The following CRIM1 variants were observed in gnomAD, a reference collection of about 807,000 sequenced individuals.
The protein encoded by CRIM1 is cysteine rich transmembrane BMP regulator 1, also known as cysteine-rich motor neuron 1 protein.
In CRIM1, 32 loss-of-function variants were observed where a neutral mutation model predicts 116.4. That is an observed-to-expected ratio of 0.27 (90% CI 0.21 to 0.37). The LOEUF is 0.37. Ranked by LOEUF, CRIM1 falls within the 10% of genes least tolerant of loss-of-function variation. The pLI is 1.00. For missense variants in CRIM1, 1,331 were observed against 1,354.8 expected (o/e 0.98, Z 0.28); for synonymous variants, 590 against 509.2 (o/e 1.16, Z -2.13).
rs1025088968 is a variant in CRIM1, at chr2:36,551,066, C to CA, written c.*2371dup. On this transcript the variant is annotated 3_prime_UTR_variant, in exon 17 of 17. Coordinates refer to ENST00000280527, the MANE Select transcript of CRIM1 (RefSeq NM_016441.3). ...TTCTACAGTTTGTTTTTGTTTTCTT[C>CA]AAAAAAGCTGTAAGAGAATTATCTG... The CA allele has an allele frequency of 1.3e-5, 2 of 152,436 alleles. No homozygotes were observed. The highest frequency in any genetic ancestry group is 2.9e-5 in the Non-Finnish European group (2 of 67,996). The allele number at this position is 152,436 out of a possible 1,614,324, so 9.4% of individuals were successfully genotyped here.
At chr2:36,494,039 A>G (rs1034562508) in intron 7 of CRIM1, among the ~76,000 whole-genome samples, 3 of 152,192 alleles carry the variant, frequency 2.0e-5, no homozygotes, top group Admixed American at 2.0e-4. Flanking sequence ...AATTTCTCAT[A>G]AAATAAACTA....
intron 4 of CRIM1, among the ~76,000 whole-genome samples, chr2:36,444,584 A>G (rs981654882): frequency 3.9e-5 from 6 of 152,372 alleles, no homozygotes; most frequent in African/African-American, 1.4e-4. Flanking sequence ...GAATGGCCAG[A>G]GTTAAATTTG....
chr2:36,424,285 T>A (rs1315691612), intron 2 of CRIM1, among the ~76,000 whole-genome samples: 2 of 152,188 alleles, frequency 1.3e-5, no homozygotes, highest in Non-Finnish European at 2.9e-5. Flanking sequence ...GAAGAGATAT[T>A]CACAGAGGAG....
rs77398072 is a variant in CRIM1, at chr2:36,463,857, A to G, written c.870-677A>G. Among the ~76,000 whole-genome samples, 1,500 of 152,282 alleles carry G rather than the reference A, an allele frequency of 9.9e-3. 26 individuals carry two copies. Among genetic ancestry groups the G allele is most frequent in the African/African-American group, 0.035 (1,447 of 41,556 alleles). ...CAGGTGGGAGCTTAAGATCCAAAAA[A>G]TTAAGACTTTCAGCTTCCAAGATAG... On this transcript the variant is annotated intron_variant, in intron 4 of 16. Transcript: ENST00000280527.
rs1572844986 is a variant in CRIM1, at chr2:36,483,762, A to G, written c.1372+4068A>G. 2.0e-5 allele frequency among the ~76,000 whole-genome samples: 3 copies of G among 152,362 alleles called. 1 individual carries two copies. Among genetic ancestry groups the G allele is most frequent in the Admixed American group, 2.0e-4 (3 of 15,304 alleles). On this transcript the variant is annotated intron_variant, in intron 7 of 16. Transcript: ENST00000280527. ...AATAAGTGAGGACAGTGAGGAGGAA[A>G]GAAAGACTGGAGCAGGAAGTCCCAA... is the stretch of plus-strand genomic sequence containing the variant.
intron 2 of CRIM1, among the ~76,000 whole-genome samples, chr2:36,413,282 A>C (rs139191074): frequency 2.0e-5 from 3 of 152,330 alleles, no homozygotes; most frequent in African/African-American, 7.2e-5. Flanking sequence ...CCACTTTGAA[A>C]TATGTAAGCC....
intron 2 of CRIM1, among the ~76,000 whole-genome samples, chr2:36,440,500 G>A (rs972025006): frequency 6.6e-6 from 1 of 152,188 alleles, no homozygotes; most frequent in Admixed American, 6.5e-5. Context: ...GTGGACTGGG[G>A]TTTCAGAAGC....
At chr2:36,371,853 C>T (rs1669967543) in intron 1 of CRIM1, among the ~76,000 whole-genome samples, 1 of 152,194 alleles carries the variant, frequency 6.6e-6, no homozygotes. Flanking sequence ...CTGTGGTGAT[C>T]AGCTGCTTGT....
At chr2:36,460,960 C>G (rs1180259477) in intron 4 of CRIM1, among the ~76,000 whole-genome samples, 1 of 152,122 alleles carries the variant, frequency 6.6e-6, no homozygotes, top group Non-Finnish European at 1.5e-5. Flanking sequence ...AGTGCAGAGA[C>G]AGCAAAGTGC....
At chr2:36,431,380 A>T (rs1341486582) in intron 2 of CRIM1, among the ~76,000 whole-genome samples, 1 of 152,188 alleles carries the variant, frequency 6.6e-6, no homozygotes, top group Non-Finnish European at 1.5e-5. Flanking sequence ...TGTACACTCT[A>T]TTCAGCACCC....
chr2:36,495,525 A>G (rs1030781956), intron 7 of CRIM1, among the ~76,000 whole-genome samples: 4 of 140,634 alleles, frequency 2.8e-5, no homozygotes, highest in Non-Finnish European at 4.6e-5. Flanking sequence ...CTGAGATACT[A>G]TGATTCTAGA....
intron 2 of CRIM1, among the ~76,000 whole-genome samples, chr2:36,425,691 C>T (rs1674394733): frequency 6.6e-6 from 1 of 152,198 alleles, no homozygotes; most frequent in African/African-American, 2.4e-5. Context: ...CAGCAACATT[C>T]TCATCAGAGG....
At position 36,356,382 on chromosome 2, in the gene CRIM1, C is replaced by A. The variant is rs1282189539; in HGVS notation, c.90C>A (p.Ser30=). The change falls in exon 1 of 17, where the codon TCC becomes TCA. Residue 30 remains serine, a synonymous_variant. Transcript: ENST00000280527. The surrounding 1 kb of genome is among the most constrained non-coding windows in gnomAD (Gnocchi z 4.3). ...GGCTGCTGCTGCTGCTGGCGCGCTC[C>A]GGCACCCGGGCGCTGGTCTGCCTGC... ...LLGLLLLLAR[S]GTRALVCLPC... 2 of 1,598,058 alleles carry A rather than the reference C, an allele frequency of 1.3e-6. No individual in the cohort carries two copies. Among genetic ancestry groups the A allele is most frequent in the Non-Finnish European group, 1.7e-6 (2 of 1,174,498 alleles).
intron 7 of CRIM1, among the ~76,000 whole-genome samples, chr2:36,481,616 A>G (rs1023970174): frequency 2.0e-5 from 3 of 152,234 alleles, no homozygotes; most frequent in African/African-American, 7.2e-5. Flanking sequence ...AGTGCATCAC[A>G]TTTGTACCCA....
chr2:36,465,494 T>C (rs537636400), intron 5 of CRIM1, among the ~76,000 whole-genome samples: 10 of 152,272 alleles, frequency 6.6e-5, no homozygotes, highest in African/African-American at 2.2e-4. Flanking sequence ...CACATAGAAA[T>C]ATTCATATCA....
intron 5 of CRIM1, among the ~76,000 whole-genome samples, chr2:36,471,503 A>G (rs1004305477): frequency 6.6e-6 from 1 of 152,178 alleles, no homozygotes; most frequent in Non-Finnish European, 1.5e-5. Flanking sequence ...CAGCAGAAAG[A>G]TTACTATTTA....
chr2:36,394,433 C>A (rs1351726885), intron 1 of CRIM1, among the ~76,000 whole-genome samples: 2 of 152,086 alleles, frequency 1.3e-5, no homozygotes, highest in African/African-American at 4.8e-5. Flanking sequence ...TTTGTTATAA[C>A]TGAAGACAAA....
intron 2 of CRIM1, among the ~76,000 whole-genome samples, chr2:36,427,618 T>TTGG (rs1674558803): frequency 6.6e-6 from 1 of 152,234 alleles, no homozygotes; most frequent in South Asian, 2.1e-4. Flanking sequence ...TGGAAGAGCT[T>TTGG]CTACTTTCCT....
chr2:36,545,438 G>C (rs570086925), intron 15 of CRIM1, among the ~76,000 whole-genome samples: 1 of 152,116 alleles, frequency 6.6e-6, no homozygotes, highest in Non-Finnish European at 1.5e-5. Context: ...TCAACATACT[G>C]TAAGTACGAC....
Sources: allele counts gnomAD v4.1 joint callset (sites outside exome capture counted in the v4.1 genomes callset), GRCh38; gene constraint gnomAD v4.1.1; non-coding constraint Gnocchi (gnomAD v3.1); transcripts MANE v1.5; gene names NCBI Gene and HGNC (gene_info 2026-07-23, HGNC 2026-07-21).